Variants in SLC5A4 observed in about 807,000 individuals in gnomAD.
SLC5A4 encodes the protein probable glucose sensor protein SLC5A4.
In SLC5A4, 55 loss-of-function variants were observed where a neutral mutation model predicts 70.3. The ratio of observed to expected loss-of-function variants is 0.78; its 90% CI spans 0.63 to 0.98. The LOEUF is 0.98. SLC5A4 is among the 50% of genes least tolerant of loss of function. The pLI is 0.00. For missense variants in SLC5A4, 735 were observed against 839.2 expected (o/e 0.88, Z 1.53); for synonymous variants, 268 against 305.7 (o/e 0.88, Z 1.29).
chr22:32,323,210 GA>G, the SLC5A4 span, among the ~76,000 whole-genome samples: 1 of 152,090 alleles, frequency 6.6e-6, no homozygotes, highest in Non-Finnish European at 1.5e-5. Context: ...ACCCAATTGA[GA>G]AGACACAGAA....
At chr22:32,341,949 C>T in the SLC5A4 span, among the ~76,000 whole-genome samples, 1 of 152,174 alleles carries the variant, frequency 6.6e-6, no homozygotes, top group East Asian at 1.9e-4. Context: ...ATTTTCTCCC[C>T]GACATTTAAC....
chr22:32,291,824 A>ATG, the SLC5A4 span, among the ~76,000 whole-genome samples: 3 of 147,622 alleles, frequency 2.0e-5, no homozygotes, highest in African/African-American at 4.9e-5. Flanking sequence ...TTTTATATAT[A>ATG]TGTGTGTGTG....
chr22:32,338,939 G>C, the SLC5A4 span, among the ~76,000 whole-genome samples: 5 of 152,210 alleles, frequency 3.3e-5, no homozygotes, highest in Non-Finnish European at 5.9e-5. Context: ...GCCCCCAGGA[G>C]AGCTGGGATT....
intron 13 of SLC5A4, among the ~76,000 whole-genome samples, chr22:32,223,206 A>AT (rs1472972994): frequency 6.6e-6 from 1 of 152,096 alleles, no homozygotes; most frequent in African/African-American, 2.4e-5. Flanking sequence ...TGAAATCTGG[A>AT]TTTTCTCCCA....
At chr22:32,320,949 G>A in the SLC5A4 span, among the ~76,000 whole-genome samples, 46 of 152,162 alleles carry the variant, frequency 3.0e-4, no homozygotes, top group African/African-American at 1.1e-3. Context: ...GGGGCAACCC[G>A]TCACCTTCCT....
At chr22:32,256,317 CA>C (rs945189085), upstream of SLC5A4, among the ~76,000 whole-genome samples, 9 of 151,164 alleles carry the variant, frequency 6.0e-5, no homozygotes, top group East Asian at 1.9e-4. Context: ...CAAAAACAAA[CA>C]AAAAAAACAA....
the SLC5A4 span, chr22:32,271,669 CTG>C: frequency 1.7e-6 from 1 of 589,046 alleles, no homozygotes; most frequent in African/African-American, 1.9e-5. Flanking sequence ...TGGCGACAGA[CTG>C]AGGGGTGCTG....
At chr22:32,317,338 AAAAAG>A in the SLC5A4 span, among the ~76,000 whole-genome samples, 1 of 151,970 alleles carries the variant, frequency 6.6e-6, no homozygotes, top group Non-Finnish European at 1.5e-5. Flanking sequence ...TGCCCAACTC[AAAAAG>A]AAAAGAAAGA....
chr22:32,225,022 T>G (rs1408862461), intron 12 of SLC5A4, among the ~76,000 whole-genome samples: 1 of 152,170 alleles, frequency 6.6e-6, no homozygotes, highest in Non-Finnish European at 1.5e-5. Context: ...GATCTAAGCC[T>G]GAATACCAAG....
the SLC5A4 span, among the ~76,000 whole-genome samples, chr22:32,325,578 G>C: frequency 6.6e-6 from 1 of 152,378 alleles, no homozygotes; most frequent in African/African-American, 2.4e-5. Flanking sequence ...GCCAGAAGGT[G>C]TCTGGACCTG....
chr22:32,229,758 A>G (rs922568763), intron 10 of SLC5A4, among the ~76,000 whole-genome samples: 2 of 152,224 alleles, frequency 1.3e-5, no homozygotes, highest in African/African-American at 4.8e-5. Flanking sequence ...ATAATCAGTA[A>G]TAACTTAATT....
At chr22:32,255,427 G>A, upstream of SLC5A4, 3 of 1,345,860 alleles carry the variant, frequency 2.2e-6, no homozygotes, top group South Asian at 1.3e-5. Flanking sequence ...AGATATCAGA[G>A]CCAGCTCCTG....
the SLC5A4 span, among the ~76,000 whole-genome samples, chr22:32,306,088 T>TTTAAAACA: frequency 3.3e-5 from 5 of 152,104 alleles, no homozygotes; most frequent in African/African-American, 1.2e-4. Context: ...TTGAGCTCAT[T>TTTAAAACA]TTGAAACATT....
the SLC5A4 span, among the ~76,000 whole-genome samples, chr22:32,338,972 A>G: frequency 6.6e-6 from 1 of 152,198 alleles, no homozygotes; most frequent in Admixed American, 6.5e-5. Context: ...GTATTACTAA[A>G]AAGATTACAT....
intron 6 of SLC5A4, among the ~76,000 whole-genome samples, chr22:32,238,059 C>A (rs763949491): frequency 2.0e-5 from 3 of 152,114 alleles, no homozygotes; most frequent in African/African-American, 4.8e-5. Flanking sequence ...CCCTCATACA[C>A]CTATGCCGGT....
At chr22:32,292,429 G>A in the SLC5A4 span, among the ~76,000 whole-genome samples, 10 of 148,848 alleles carry the variant, frequency 6.7e-5, no homozygotes, top group African/African-American at 1.2e-4. Flanking sequence ...GTGTGTGTGT[G>A]TATATGCTAG....
chr22:32,325,373 T>TG, the SLC5A4 span, among the ~76,000 whole-genome samples: 4 of 151,452 alleles, frequency 2.6e-5, no homozygotes, highest in Non-Finnish European at 4.4e-5. Flanking sequence ...GGGTGGAGAT[T>TG]GGGGAAAAAG....
chr22:32,226,179 G>T (rs1305352773), intron 11 of SLC5A4, among the ~76,000 whole-genome samples: 1 of 152,198 alleles, frequency 6.6e-6, no homozygotes, highest in Non-Finnish European at 1.5e-5. Context: ...GTATGATAAA[G>T]AAAGCAGACT....
At chr22:32,325,275 G>A in the SLC5A4 span, among the ~76,000 whole-genome samples, 1 of 152,246 alleles carries the variant, frequency 6.6e-6, no homozygotes, top group Admixed American at 6.5e-5. Context: ...CCAAGCTGGT[G>A]GGGGAGCCAC....
Sources: gnomAD v4.1 joint callset for allele counts (sites outside exome capture counted in the v4.1 genomes callset) on GRCh38, gnomAD v4.1.1 for gene constraint, MANE v1.5 for transcripts, NCBI Gene and HGNC (gene_info 2026-07-23, HGNC 2026-07-21) for gene names.